C8orf34: variants seen among roughly 807,000 people sequenced by gnomAD.
C8orf34 encodes the protein uncharacterized protein C8orf34.
C8orf34 carries 65 observed loss-of-function variants against 68.3 expected under a neutral mutation model. That is an observed-to-expected ratio of 0.95 (90% CI 0.78 to 1.17). C8orf34 has a LOEUF of 1.17. Ranked by LOEUF, C8orf34 falls within the 50% of genes most tolerant of loss-of-function variation. C8orf34 has a pLI of 0.00. For synonymous variants in C8orf34, 244 were observed against 241.2 expected (o/e 1.01, Z -0.11); for missense variants, 664 against 655.4 (o/e 1.01, Z -0.14).
At chr8:68,736,143 T>C (rs1278521326) in intron 10 of C8orf34, among the ~76,000 whole-genome samples, 1 of 152,184 alleles carries the variant, frequency 6.6e-6, no homozygotes, top group Non-Finnish European at 1.5e-5. Flanking sequence ...TCATTTTATC[T>C]GTGGTTTTAA....
chr8:68,401,584 G>T (rs931118763), intron 1 of C8orf34, among the ~76,000 whole-genome samples: 1 of 151,740 alleles, frequency 6.6e-6, no homozygotes, highest in Non-Finnish European at 1.5e-5. Flanking sequence ...TTTGTCATAA[G>T]GGGATGCTGA....
chr8:68,496,881 G>C (rs769560257), intron 5 of C8orf34, among the ~76,000 whole-genome samples: 1 of 152,126 alleles, frequency 6.6e-6, no homozygotes, highest in Non-Finnish European at 1.5e-5. Flanking sequence ...ACCTACATGT[G>C]CATTATATGA....
chr8:68,578,642 C>CTATATATATATATATATATA lies in C8orf34; in HGVS notation c.1105+45508_1105+45509insATATATATATATATATATAT, dbSNP rs545258846. On this transcript the variant is annotated intron_variant, in intron 7 of 13. Transcript: ENST00000518698. ...TCTATAGTTCATTGCAGATTAAATA[C>CTATATATATATATATATATA]TATATATATATATATTTCAATATTG... Among the ~76,000 whole-genome samples, 805 of 148,692 alleles carry CTATATATATATATATATATA rather than the reference C, an allele frequency of 5.4e-3. 8 individuals carry two copies. The highest frequency in any genetic ancestry group is 0.019 in the African/African-American group (743 of 39,596).
chr8:68,412,605 G>A (rs1809490685), intron 1 of C8orf34, among the ~76,000 whole-genome samples: 1 of 152,090 alleles, frequency 6.6e-6, no homozygotes, highest in Non-Finnish European at 1.5e-5. Context: ...ATTCTTGGCA[G>A]TTTTTGCATA....
At chr8:68,529,984 C>T (rs888225969) in intron 6 of C8orf34, among the ~76,000 whole-genome samples, 28 of 151,950 alleles carry the variant, frequency 1.8e-4, no homozygotes, top group African/African-American at 3.4e-4. Context: ...TATTATTTAA[C>T]TCCTAAGGGG....
At chr8:68,620,448 G>C (rs2130628901) in intron 7 of C8orf34, among the ~76,000 whole-genome samples, 1 of 152,208 alleles carries the variant, frequency 6.6e-6, no homozygotes, top group African/African-American at 2.4e-5. Context: ...TAGTCACCAG[G>C]GAGAAGAGCT....
chr8:68,647,308 C>T (rs1394120888), intron 8 of C8orf34, among the ~76,000 whole-genome samples: 1 of 151,954 alleles, frequency 6.6e-6, no homozygotes, highest in Non-Finnish European at 1.5e-5. Context: ...TAACAAGTAC[C>T]CGTGAGGATG....
chr8:68,594,647 G>A (rs1817489884), intron 7 of C8orf34, among the ~76,000 whole-genome samples: 2 of 151,908 alleles, frequency 1.3e-5, no homozygotes. Context: ...TGGTTCATCA[G>A]TTTTATATTT....
At chr8:68,612,147 T>G (rs941975303) in intron 7 of C8orf34, among the ~76,000 whole-genome samples, 1 of 152,114 alleles carries the variant, frequency 6.6e-6, no homozygotes, top group Non-Finnish European at 1.5e-5. Flanking sequence ...TATCATTATC[T>G]GCAACTGCCT....
chr8:68,696,264 T>C (rs1820831863), intron 8 of C8orf34, among the ~76,000 whole-genome samples: 1 of 147,894 alleles, frequency 6.8e-6, no homozygotes, highest in African/African-American at 2.4e-5. Context: ...ATATAATAAA[T>C]ATGAACAGTA....
At chr8:68,791,552 A>C (rs1823993888) in intron 12 of C8orf34, 1 of 152,246 alleles carries the variant, frequency 6.6e-6, no homozygotes, top group Non-Finnish European at 1.5e-5. Flanking sequence ...ATTTTTAAAA[A>C]CACAAATAAA....
intron 7 of C8orf34, among the ~76,000 whole-genome samples, chr8:68,639,600 TA>T (rs2130730766): frequency 6.6e-6 from 1 of 152,298 alleles, no homozygotes; most frequent in South Asian, 2.1e-4. Flanking sequence ...TTTGAAACTT[TA>T]TGTATCTTTA....
At chr8:68,402,124 G>C (rs1808985026) in intron 1 of C8orf34, among the ~76,000 whole-genome samples, 4 of 152,022 alleles carry the variant, frequency 2.6e-5, no homozygotes, top group Admixed American at 2.6e-4. Flanking sequence ...GTTTCTTGTT[G>C]CTTCAATCCT....
chr8:68,374,468 C>T (rs1020822707), intron 1 of C8orf34, among the ~76,000 whole-genome samples: 6 of 152,158 alleles, frequency 3.9e-5, no homozygotes, highest in African/African-American at 1.4e-4. Flanking sequence ...GTAGTTCAAA[C>T]TTACCAGACA....
chr8:68,428,926 T>C (rs1810339803), intron 1 of C8orf34, among the ~76,000 whole-genome samples: 1 of 152,082 alleles, frequency 6.6e-6, no homozygotes, highest in South Asian at 2.1e-4. Context: ...CCTCACCCCA[T>C]AATAAATGTT....
At chr8:68,716,137 T>A (rs1052128031) in intron 9 of C8orf34, among the ~76,000 whole-genome samples, 18 of 151,604 alleles carry the variant, frequency 1.2e-4, no homozygotes, top group African/African-American at 3.9e-4. Flanking sequence ...GGCATAAGAT[T>A]GATATATTGG....
chr8:68,585,943 T>A (rs922672422), intron 7 of C8orf34, among the ~76,000 whole-genome samples: 36 of 151,988 alleles, frequency 2.4e-4, no homozygotes, highest in Non-Finnish European at 4.4e-5. Flanking sequence ...AGTCACCCAA[T>A]CCAGCCCTGG....
intron 1 of C8orf34, among the ~76,000 whole-genome samples, chr8:68,372,423 G>A (rs1180730338): frequency 2.0e-5 from 3 of 152,122 alleles, no homozygotes; most frequent in Admixed American, 1.3e-4. Context: ...GCTTAGCCTA[G>A]ATGTTGCTGG....
At chr8:68,673,353 C>A (rs768516206) in intron 8 of C8orf34, among the ~76,000 whole-genome samples, 11 of 152,000 alleles carry the variant, frequency 7.2e-5, no homozygotes, top group Non-Finnish European at 1.5e-4. Context: ...CAATTCCAGG[C>A]GTGTGCTCTT....
Sources: gnomAD v4.1 joint callset for allele counts (sites outside exome capture counted in the v4.1 genomes callset) on GRCh38, gnomAD v4.1.1 for gene constraint, MANE v1.5 for transcripts, NCBI Gene and HGNC (gene_info 2026-07-23, HGNC 2026-07-21) for gene names.